Variants in CDH23 observed in about 807,000 individuals in gnomAD.
CDH23 encodes the protein cadherin-23.
In CDH23, 189 loss-of-function variants were observed where a neutral mutation model predicts 317.1. The observed-to-expected ratio is 0.60, with a 90% confidence interval of 0.53 to 0.67. The LOEUF is 0.67. CDH23 is among the 30% of genes least tolerant of loss of function. The pLI is 0.00. For synonymous variants in CDH23, 1,839 were observed against 1,876.8 expected, an observed-to-expected ratio of 0.98 and a Z score of 0.52; for missense variants, 4,401 against 4,592.4, an observed-to-expected ratio of 0.96 and a Z score of 1.20.
At chr10:71,680,521 G>C (rs1322638742) in intron 17 of CDH23, among the ~76,000 whole-genome samples, 1 of 152,086 alleles carries the variant, frequency 6.6e-6, no homozygotes, top group Non-Finnish European at 1.5e-5. Context: ...GCCGAGACCG[G>C]CGGATCAATT....
chr10:71,434,136 C>T (rs868281847), intron 1 of CDH23, among the ~76,000 whole-genome samples: 2 of 152,264 alleles, frequency 1.3e-5, no homozygotes, highest in South Asian at 2.1e-4. Flanking sequence ...TTGCACAGGC[C>T]GCTCCCTCTG....
At chr10:71,481,035 C>G (rs1455977225) in intron 3 of CDH23, among the ~76,000 whole-genome samples, 2 of 152,096 alleles carry the variant, frequency 1.3e-5, no homozygotes, top group East Asian at 3.9e-4. Flanking sequence ...AAATCTGCAG[C>G]CTGACAGCCT....
At position 71,811,937 on chromosome 10, in the gene CDH23, C is replaced by T. The variant is rs751320710; in HGVS notation, c.9320-18C>T. 3 of 1,613,898 alleles carry T rather than the reference C, an allele frequency of 1.9e-6. No homozygotes were observed. The South Asian group carries it at 3.3e-5, about 18-fold the overall frequency. On this transcript the variant is annotated intron_variant, in intron 65 of 69. Coordinates refer to ENST00000224721, the MANE Select transcript of CDH23 (RefSeq NM_022124.6). ...GGCTATGCCCCTCCCCTCCATGCCC[C>T]AACCCTTCTCCCTGCAGGGAATCGT...
At chr10:71,548,933 A>G (rs1014148632) in intron 6 of CDH23, among the ~76,000 whole-genome samples, 3 of 151,986 alleles carry the variant, frequency 2.0e-5, no homozygotes, top group African/African-American at 7.2e-5. Flanking sequence ...CCGATAGCTC[A>G]TGAGACAGAG....
intron 3 of CDH23, among the ~76,000 whole-genome samples, chr10:71,487,969 G>T (rs1490987076): frequency 6.6e-6 from 1 of 152,182 alleles, no homozygotes; most frequent in Non-Finnish European, 1.5e-5. Flanking sequence ...CACCCTGTGC[G>T]TACACCATCA....
rs1245833706 is a variant in CDH23, at chr10:71,702,556, G to A, written c.2595G>A (p.Arg865=). 1 of 1,613,902 alleles carries A rather than the reference G, an allele frequency of 6.2e-7. No individual in the cohort carries two copies. ...KIVVSVTDCG[R]PPLKATSSAT... is the part of the protein sequence containing the mutation. ...TCGCCCTGGTCTTCCCAGGTGGCAGGCCCCCTCTGAAAGCCACCAGCAGTG... is the reference window on the plus strand; with the variant it reads ...TCGCCCTGGTCTTCCCAGGTGGCAGACCCCCTCTGAAAGCCACCAGCAGTG... Residue 865 remains arginine, a synonymous_variant, in exon 24 of 70, where the codon AGG becomes AGA. Transcript: ENST00000224721.
chr10:71,790,254 T>G (rs373430127), intron 45 of CDH23, 34 bp from the exon 46 acceptor site: 8 of 1,611,076 alleles, frequency 5.0e-6, no homozygotes, highest in Non-Finnish European at 6.8e-6. Flanking sequence ...GGGGCTGGGT[T>G]GGTCTTGTGG....
chr10:71,638,414 G>A (rs908011446), intron 11 of CDH23, among the ~76,000 whole-genome samples: 1 of 152,254 alleles, frequency 6.6e-6, no homozygotes, highest in Non-Finnish European at 1.5e-5. Flanking sequence ...GACAAAGGAG[G>A]CATCTGCAGG....
chr10:71,625,130 G>C (rs1194549504), intron 11 of CDH23, among the ~76,000 whole-genome samples: 1 of 151,964 alleles, frequency 6.6e-6, no homozygotes, highest in African/African-American at 2.4e-5. Flanking sequence ...GCCTCTGCTG[G>C]CATGAGACGC....
At chr10:71,542,974 T>C (rs1427762401) in intron 6 of CDH23, among the ~76,000 whole-genome samples, 3 of 152,204 alleles carry the variant, frequency 2.0e-5, no homozygotes, top group Non-Finnish European at 4.4e-5. Context: ...AAAAGGGGAA[T>C]TGGATGGGAG....
chr10:71,690,789 G>A (rs117605581), intron 20 of CDH23, among the ~76,000 whole-genome samples: 1 of 152,334 alleles, frequency 6.6e-6, no homozygotes, highest in East Asian at 1.9e-4. Context: ...AATTGACCCA[G>A]TGAAGGACGT....
rs777207462 is a variant in CDH23, at chr10:71,799,312, A to T, written c.7224+32A>T. 4 of 1,613,726 alleles carry T rather than the reference A, an allele frequency of 2.5e-6. No homozygotes were observed. The South Asian group carries it at 3.3e-5, about 13-fold the overall frequency. ...GGCCAGGCCACAGGCTGGGTCCAGGACCTGCGCCCATTCCTTGGGGTCTTT... is the reference window on the plus strand; with the variant it reads ...GGCCAGGCCACAGGCTGGGTCCAGGTCCTGCGCCCATTCCTTGGGGTCTTT... On this transcript the variant is annotated intron_variant, in intron 51 of 69. Coordinates refer to ENST00000224721, the MANE Select transcript of CDH23 (RefSeq NM_022124.6).
rs368960122 is a variant in CDH23 at position 71,790,271 on chromosome 10, C to A, written c.5924-17C>A. The A allele has an allele frequency of 2.5e-6, 4 of 1,613,144 alleles. No individual in the cohort carries two copies. Among genetic ancestry groups the A allele is most frequent in the African/African-American group, 1.3e-5 (1 of 74,930 alleles). On this transcript the variant is annotated splice_polypyrimidine_tract_variant and intron_variant, in intron 45 of 69. Transcript: ENST00000224721. ...GGCTGGGTTGGTCTTGTGGTGACCCCTCTCCTTCTGGCCCAGGCACCCCTC... is the reference window on the plus strand; with the variant it reads ...GGCTGGGTTGGTCTTGTGGTGACCCATCTCCTTCTGGCCCAGGCACCCCTC...
intron 20 of CDH23, among the ~76,000 whole-genome samples, chr10:71,691,078 T>TA (rs1045585701): frequency 3.3e-5 from 5 of 152,168 alleles, no homozygotes; most frequent in South Asian, 2.1e-4. Flanking sequence ...CGAAAAGTGC[T>TA]AAAAAAAATT....
intron 65 of CDH23, 89 bp from the exon 66 acceptor site, chr10:71,811,866 C>G: frequency 6.3e-7 from 1 of 1,592,326 alleles, no homozygotes; most frequent in South Asian, 1.1e-5. Context: ...CAGGACCATG[C>G]CCCGCACCCC....
intron 3 of CDH23, among the ~76,000 whole-genome samples, chr10:71,466,631 G>T (rs10999828): frequency 6.6e-6 from 1 of 152,046 alleles, no homozygotes; most frequent in East Asian, 1.9e-4. Context: ...CACAGTGTAT[G>T]TGCGAGTGTA....
At chr10:71,743,471 C>A (rs1230094727) in intron 38 of CDH23, among the ~76,000 whole-genome samples, 1 of 152,186 alleles carries the variant, frequency 6.6e-6, no homozygotes, top group Non-Finnish European at 1.5e-5. Context: ...ATCCCCACCC[C>A]ACCACAACAT....
intron 30 of CDH23, among the ~76,000 whole-genome samples, chr10:71,728,411 C>T (rs937269390): frequency 6.6e-6 from 1 of 152,266 alleles, no homozygotes; most frequent in South Asian, 2.1e-4. Context: ...CCTCTCTGCC[C>T]CCAGCCCTGC....
intron 3 of CDH23, among the ~76,000 whole-genome samples, chr10:71,481,180 C>T (rs1037926875): frequency 1.3e-5 from 2 of 152,134 alleles, no homozygotes; most frequent in African/African-American, 2.4e-5. Context: ...TTGCTCTGCT[C>T]ATGGGTGCAC....
Sources: gnomAD v4.1 joint callset for allele counts (sites outside exome capture counted in the v4.1 genomes callset) on GRCh38, gnomAD v4.1.1 for gene constraint, MANE v1.5 for transcripts, NCBI Gene and HGNC (gene_info 2026-07-23, HGNC 2026-07-21) for gene names.